NBEA: variants seen among roughly 807,000 people sequenced by gnomAD.
NBEA encodes the protein lysosomal-trafficking regulator 2.
A neutral mutation model predicts 343.4 loss-of-function variants in NBEA; 44 were observed. The observed-to-expected ratio is 0.13, with a 90% CI of 0.10 to 0.16. The LOEUF is 0.16. NBEA is among the 10% of genes least tolerant of loss of function. NBEA has a pLI of 1.00. For synonymous variants in NBEA, 1,175 were observed against 1,238.7 expected (o/e 0.95, Z 1.08); for missense variants, 2,555 against 3,631.3 (o/e 0.70, Z 7.62).
rs185804100 is a variant in NBEA, at chr13:35,121,779, G to A, written c.2244-1703G>A. 3.6e-4 allele frequency among the ~76,000 whole-genome samples: 55 copies of A among 152,044 alleles called. No individual in the cohort carries two copies. In the East Asian group the frequency reaches 9.9e-3, roughly 27 times the overall value. ...GCAAAACTAAAAATAATGACTTTAA[G>A]CTATTTGTTCCCCTTTGTATCACTG... On this transcript the variant is annotated intron_variant, in intron 16 of 58. Coordinates refer to ENST00000379939, the MANE Select transcript of NBEA (RefSeq NM_001385012.1).
intron 34 of NBEA, among the ~76,000 whole-genome samples, chr13:35,244,635 T>G (rs1396420808): frequency 6.6e-6 from 1 of 152,128 alleles, no homozygotes; most frequent in African/African-American, 2.4e-5. Flanking sequence ...GGATTGTTTT[T>G]TCTAGTTCCG....
At chr13:34,995,908 T>G (rs1311973853) in intron 1 of NBEA, among the ~76,000 whole-genome samples, 2 of 152,222 alleles carry the variant, frequency 1.3e-5, no homozygotes, top group Non-Finnish European at 2.9e-5. Context: ...GAATTCTCAG[T>G]CCTACCTGCT....
chr13:35,171,525 TA>T (rs2070460520), intron 26 of NBEA, 73 bp downstream of exon 26: 2 of 1,182,102 alleles, frequency 1.7e-6, no homozygotes, highest in Non-Finnish European at 2.3e-6. Context: ...CTATGGTACA[TA>T]AAATATTAAT....
At chr13:35,046,391 A>G (rs1185596173) in intron 4 of NBEA, among the ~76,000 whole-genome samples, 4 of 152,144 alleles carry the variant, frequency 2.6e-5, no homozygotes, top group Non-Finnish European at 4.4e-5. Flanking sequence ...GTACATTCCT[A>G]TAAGCAGTGT....
At chr13:35,160,679 A>G (rs1241583128) in intron 22 of NBEA, among the ~76,000 whole-genome samples, 2 of 152,180 alleles carry the variant, frequency 1.3e-5, no homozygotes, top group African/African-American at 4.8e-5. Context: ...TTATAAGACA[A>G]TTAAAGACTC....
At chr13:35,127,703 C>A (rs2067202554) in intron 17 of NBEA, among the ~76,000 whole-genome samples, 1 of 151,936 alleles carries the variant, frequency 6.6e-6, no homozygotes, top group East Asian at 1.9e-4. Flanking sequence ...TAGGGAAATA[C>A]CCTTTTTAAA....
intron 22 of NBEA, among the ~76,000 whole-genome samples, chr13:35,160,812 T>C (rs2069500461): frequency 6.6e-6 from 1 of 152,144 alleles, no homozygotes; most frequent in Non-Finnish European, 1.5e-5. Context: ...GACTGTTTCT[T>C]TATTTTCTAG....
intron 1 of NBEA, among the ~76,000 whole-genome samples, chr13:35,019,400 C>T (rs992069836): frequency 7.3e-5 from 11 of 151,414 alleles, no homozygotes; most frequent in Non-Finnish European, 1.2e-4. Context: ...TGGGTTCAAG[C>T]GATTCTTGTG....
At chr13:35,576,470 T>C (rs1360377110) in intron 45 of NBEA, among the ~76,000 whole-genome samples, 3 of 152,160 alleles carry the variant, frequency 2.0e-5, no homozygotes, top group Admixed American at 6.5e-5. Context: ...AGCCAAAATA[T>C]AAAGTTACTA....
chr13:35,025,630 G>A (rs576514595), intron 1 of NBEA, among the ~76,000 whole-genome samples: 3 of 151,944 alleles, frequency 2.0e-5, no homozygotes, highest in East Asian at 3.9e-4. Flanking sequence ...TGCCTGTGAC[G>A]TCTTTGTTTT....
intron 41 of NBEA, among the ~76,000 whole-genome samples, chr13:35,484,319 T>C (rs1042870178): frequency 1.3e-5 from 2 of 151,318 alleles, no homozygotes; most frequent in African/African-American, 4.8e-5. Flanking sequence ...TTTAAAATTG[T>C]TTTTTACTTT....
chr13:35,459,967 A>G (rs189589046), intron 40 of NBEA, among the ~76,000 whole-genome samples: 2 of 152,310 alleles, frequency 1.3e-5, no homozygotes, highest in Non-Finnish European at 2.9e-5. Flanking sequence ...GCTTAAGCCT[A>G]ACTCTGTGCA....
At chr13:35,635,613 A>G (rs1220131795) in intron 49 of NBEA, among the ~76,000 whole-genome samples, 1 of 152,216 alleles carries the variant, frequency 6.6e-6, no homozygotes, top group Admixed American at 6.5e-5. Flanking sequence ...CATGAAAAAT[A>G]CCATGATTCC....
chr13:35,259,882 A>G (rs1285354704), intron 34 of NBEA, among the ~76,000 whole-genome samples: 2 of 152,176 alleles, frequency 1.3e-5, no homozygotes, highest in Non-Finnish European at 2.9e-5. Context: ...TTCAGGAATG[A>G]TATTTAAAAT....
chr13:35,399,396 G>A (rs1231549505), intron 38 of NBEA, among the ~76,000 whole-genome samples: 1 of 152,086 alleles, frequency 6.6e-6, no homozygotes, highest in African/African-American at 2.4e-5. Flanking sequence ...TGGTGGAAGG[G>A]GAAGCAAGCA....
At chr13:35,122,387 G>T (rs1248922549) in intron 16 of NBEA, among the ~76,000 whole-genome samples, 1 of 152,004 alleles carries the variant, frequency 6.6e-6, no homozygotes, top group African/African-American at 2.4e-5. Flanking sequence ...ATACTATGCA[G>T]CCATAAAAAA....
At chr13:35,556,110 A>G (rs980248118) in intron 44 of NBEA, among the ~76,000 whole-genome samples, 3 of 151,994 alleles carry the variant, frequency 2.0e-5, no homozygotes, top group African/African-American at 7.2e-5. Flanking sequence ...TCATGTATAT[A>G]TATGTTCATA....
At chr13:35,222,841 A>G (rs1038988049) in intron 33 of NBEA, among the ~76,000 whole-genome samples, 1 of 152,184 alleles carries the variant, frequency 6.6e-6, no homozygotes, top group African/African-American at 2.4e-5. Context: ...TAACGAAGAA[A>G]CAGTAGGCCG....
At chr13:35,105,017 G>A (rs1292414724) in intron 11 of NBEA, among the ~76,000 whole-genome samples, 4 of 151,876 alleles carry the variant, frequency 2.6e-5, no homozygotes, top group Non-Finnish European at 5.9e-5. Flanking sequence ...TTTAATGCAA[G>A]GGTATTTAAA....
Sources: gnomAD v4.1 joint callset for allele counts (sites outside exome capture counted in the v4.1 genomes callset) on GRCh38, gnomAD v4.1.1 for gene constraint, MANE v1.5 for transcripts, NCBI Gene and HGNC (gene_info 2026-07-23, HGNC 2026-07-21) for gene names.